The following CSMD1 variants were observed in gnomAD, a reference collection of about 807,000 sequenced individuals.
CSMD1 encodes the protein CUB and Sushi multiple domains 1, also known as CUB and sushi domain-containing protein 1.
Under a neutral mutation model 417.5 loss-of-function variants are expected in CSMD1, and 213 were observed. The ratio of observed to expected loss-of-function variants is 0.51; its 90% CI spans 0.46 to 0.57. The LOEUF (loss-of-function observed/expected upper bound fraction) is 0.57, where lower values mean the gene tolerates loss of function less well. Among genes scored for constraint, CSMD1 ranks in the 20% least tolerant of loss-of-function variants. The probability of loss-of-function intolerance (pLI) is 0.00; values close to 1 mark genes in which losing one functional copy is unlikely to be tolerated. For missense variants in CSMD1, 6,923 were observed against 4,529.7 expected (o/e 1.53, Z -15.17); for synonymous variants, 2,862 against 1,736.8 (o/e 1.65, Z -16.11).
chr8:4,058,810 C>T, intron 3 of CSMD1, among the ~76,000 whole-genome samples: 1 of 150,814 alleles, frequency 6.6e-6, no homozygotes, highest in East Asian at 1.9e-4. Flanking sequence ...GAGTGACCTA[C>T]AAAGAGACTT....
chr8:3,839,237 A>G lies in CSMD1; in HGVS notation c.819-85195T>C, dbSNP rs1283676474. On this transcript the variant is annotated intron_variant, in intron 5 of 69. Transcript: ENST00000635120. ...AATATATAGTATAATATATAATTAT[A>G]TATACTATTAATATATATTACTTAT... Among the ~76,000 whole-genome samples the G allele has an allele frequency of 7.2e-5, 9 of 125,304 alleles. No individual in the cohort carries two copies. The East Asian group carries it at 8.8e-4, about 12-fold the overall frequency. 82.2% of individuals were successfully genotyped at this position (125,304 alleles called of 152,430 possible).
chr8:4,276,843 G>T (rs960154142), intron 3 of CSMD1, among the ~76,000 whole-genome samples: 3 of 152,166 alleles, frequency 2.0e-5, no homozygotes, highest in East Asian at 1.9e-4. Context: ...TACAATAAAT[G>T]TTCAATTTCC....
At chr8:4,857,750 T>G (rs1348313294) in intron 1 of CSMD1, among the ~76,000 whole-genome samples, 1 of 151,788 alleles carries the variant, frequency 6.6e-6, no homozygotes, top group Non-Finnish European at 1.5e-5. Flanking sequence ...AATAACAGGA[T>G]CTGAAATTGT....
At chr8:4,677,258 T>C (rs1805754750) in intron 1 of CSMD1, among the ~76,000 whole-genome samples, 1 of 151,710 alleles carries the variant, frequency 6.6e-6, no homozygotes, top group Admixed American at 6.6e-5. Flanking sequence ...TAATTCTACT[T>C]TGTTGAAGGA....
intron 2 of CSMD1, among the ~76,000 whole-genome samples, chr8:4,447,285 C>T (rs529147505): frequency 9.2e-5 from 14 of 152,216 alleles, no homozygotes; most frequent in Non-Finnish European, 1.9e-4. Context: ...AAATCAAAGT[C>T]TGAGGCAGAC....
intron 3 of CSMD1, among the ~76,000 whole-genome samples, chr8:4,100,755 C>T (rs925190386): frequency 1.3e-5 from 2 of 152,134 alleles, no homozygotes; most frequent in Non-Finnish European, 2.9e-5. Context: ...CAGGGGACTA[C>T]ATAAATGAAG....
At chr8:4,128,646 C>T (rs1025227686) in intron 3 of CSMD1, among the ~76,000 whole-genome samples, 1 of 152,082 alleles carries the variant, frequency 6.6e-6, no homozygotes, top group Non-Finnish European at 1.5e-5. Context: ...TTTAGCTCTC[C>T]ACATGGAAAT....
chr8:3,156,820 A>G (rs1357474673), intron 39 of CSMD1, among the ~76,000 whole-genome samples: 1 of 151,842 alleles, frequency 6.6e-6, no homozygotes, highest in East Asian at 1.9e-4. Context: ...GATTCCATGG[A>G]GACGATAATT....
At chr8:4,362,486 G>A (rs758512603) in intron 3 of CSMD1, among the ~76,000 whole-genome samples, 4 of 152,194 alleles carry the variant, frequency 2.6e-5, no homozygotes, top group African/African-American at 7.2e-5. Context: ...TTTCTTCAGA[G>A]AACTCTTCCT....
intron 5 of CSMD1, among the ~76,000 whole-genome samples, chr8:3,781,012 T>C (rs182395340): frequency 3.3e-5 from 5 of 152,292 alleles, no homozygotes; most frequent in East Asian, 1.9e-4. Flanking sequence ...CTCCTTGGAA[T>C]AAAGTATTTC....
chr8:4,834,823 G>A (rs1184879671), intron 1 of CSMD1, among the ~76,000 whole-genome samples: 2 of 151,618 alleles, frequency 1.3e-5, no homozygotes, highest in Non-Finnish European at 1.5e-5. Flanking sequence ...CGGGCGTGGT[G>A]GTGGGCGCCT....
chr8:2,940,996 T>C (rs114777784), intron 69 of CSMD1, among the ~76,000 whole-genome samples: 2,452 of 152,338 alleles, frequency 0.016, 67 homozygotes, highest in African/African-American at 0.055. Context: ...TCATGGCATC[T>C]TATTGGAGAA....
At chr8:3,313,390 C>G (rs188076054) in intron 23 of CSMD1, among the ~76,000 whole-genome samples, 56 of 152,222 alleles carry the variant, frequency 3.7e-4, no homozygotes, top group Middle Eastern at 3.4e-3. Flanking sequence ...GGCTAATATG[C>G]ACAATCTACA....
At chr8:4,250,995 C>T (rs182501274) in intron 3 of CSMD1, among the ~76,000 whole-genome samples, 1 of 152,126 alleles carries the variant, frequency 6.6e-6, no homozygotes, top group Admixed American at 6.5e-5. Flanking sequence ...CTGATATTTC[C>T]TAAATCACAG....
At chr8:4,898,403 A>G (rs1322069276) in intron 1 of CSMD1, among the ~76,000 whole-genome samples, 1 of 152,156 alleles carries the variant, frequency 6.6e-6, no homozygotes, top group East Asian at 1.9e-4. Flanking sequence ...CTAGCAATTC[A>G]GGCCACACAG....
chr8:3,291,715 C>G (rs535038718), intron 25 of CSMD1, among the ~76,000 whole-genome samples: 20 of 151,622 alleles, frequency 1.3e-4, no homozygotes, highest in Non-Finnish European at 2.8e-4. Flanking sequence ...ATTCTTCTCT[C>G]TTTTCTTCTT....
chr8:3,678,321 C>T (rs1585061811), intron 7 of CSMD1, among the ~76,000 whole-genome samples: 1 of 152,094 alleles, frequency 6.6e-6, no homozygotes, highest in African/African-American at 2.4e-5. Context: ...ACTAGAATAA[C>T]CAATGCAGAG....
At chr8:4,752,698 A>G (rs555718513) in intron 1 of CSMD1, among the ~76,000 whole-genome samples, 2 of 152,186 alleles carry the variant, frequency 1.3e-5, no homozygotes, top group African/African-American at 2.4e-5. Flanking sequence ...TGCTCTACAC[A>G]GGGGTGGTTT....
At chr8:3,902,469 C>G (rs185470123) in intron 5 of CSMD1, among the ~76,000 whole-genome samples, 3 of 152,066 alleles carry the variant, frequency 2.0e-5, no homozygotes, top group East Asian at 3.9e-4. Context: ...TTTCCATGGA[C>G]TCAAGTGGCA....
Sources: gnomAD v4.1 joint callset for allele counts (sites outside exome capture counted in the v4.1 genomes callset) on GRCh38, gnomAD v4.1.1 for gene constraint, MANE v1.5 for transcripts, NCBI Gene and HGNC (gene_info 2026-07-23, HGNC 2026-07-21) for gene names.